The following CCBE1 variants were observed in gnomAD, a reference collection of about 807,000 sequenced individuals.
CCBE1 encodes the protein collagen and calcium-binding EGF domain-containing protein 1.
A neutral mutation model predicts 50.0 loss-of-function variants in CCBE1; 37 were observed. The observed-to-expected ratio is 0.74, with a 90% confidence interval of 0.57 to 0.97. CCBE1 has a LOEUF of 0.97. Among genes scored for constraint, CCBE1 ranks in the 50% least tolerant of loss-of-function variants. The pLI, the probability that CCBE1 is intolerant of heterozygous loss-of-function variation, is 0.00. For missense variants in CCBE1, 538 were observed against 523.8 expected, an observed-to-expected ratio of 1.03 and a Z score of -0.26; for synonymous variants, 234 against 203.7, an observed-to-expected ratio of 1.15 and a Z score of -1.27.
intron 2 of CCBE1, among the ~76,000 whole-genome samples, chr18:59,590,232 T>C (rs1045887917): frequency 1.3e-5 from 2 of 152,144 alleles, no homozygotes; most frequent in Non-Finnish European, 2.9e-5. Context: ...AATGAGACAG[T>C]GTATCTAGAA....
At chr18:59,667,085 G>A (rs938057293) in intron 2 of CCBE1, among the ~76,000 whole-genome samples, 10 of 152,040 alleles carry the variant, frequency 6.6e-5, no homozygotes, top group African/African-American at 2.4e-4. Flanking sequence ...ACCAGCCTGG[G>A]CAACATAGTG....
chr18:59,469,565 G>T lies in CCBE1; in HGVS notation c.308C>A (p.Thr103Lys). Residue 103 changes from threonine (T) to lysine (K), a missense_variant, in exon 4 of 11, where the codon ACG becomes AAG. Physicochemically the swap from Thr to Lys is moderately conservative, Grantham distance 78. Transcript: ENST00000439986. ...ACACAGCACTCGGCCAAAGTTGTCCGTGCACTGCTGTTCACAGGGAGCCTC... is the reference window on the plus strand; with the variant it reads ...ACACAGCACTCGGCCAAAGTTGTCCTTGCACTGCTGTTCACAGGGAGCCTC... ...CAEAPCEQQC[T>K]DNFGRVLCTC... The T allele has an allele frequency of 6.2e-7, 1 of 1,614,150 alleles. No homozygotes were observed. The highest frequency in any genetic ancestry group is 1.1e-5 in the South Asian group (1 of 91,082).
At chr18:59,452,605 A>C (rs1910992885) in intron 6 of CCBE1, among the ~76,000 whole-genome samples, 1 of 152,088 alleles carries the variant, frequency 6.6e-6, no homozygotes, top group South Asian at 2.1e-4. Flanking sequence ...AACAAAACAA[A>C]AACAACAAAA....
Position 59,481,523 on chromosome 18 carries a change from A to G in CCBE1, c.213-1285T>C, listed in dbSNP as rs890420329. On this transcript the variant is annotated intron_variant, in intron 2 of 10. Transcript: ENST00000439986. Reference sequence around the variant, plus strand: ...ACACACATACACAAAATGCCTAGAGATGTCATGGTCACGCTGCTGAAACCT... The same window carrying G: ...ACACACATACACAAAATGCCTAGAGGTGTCATGGTCACGCTGCTGAAACCT... 3.9e-5 allele frequency among the ~76,000 whole-genome samples: 6 copies of G among 152,326 alleles called. No homozygotes were observed. The East Asian group carries it at 1.2e-3, about 29-fold the overall frequency.
At chr18:59,445,425 A>G (rs941132770) in intron 7 of CCBE1, among the ~76,000 whole-genome samples, 7 of 152,210 alleles carry the variant, frequency 4.6e-5, no homozygotes, top group Non-Finnish European at 8.8e-5. Flanking sequence ...TTGTTATACT[A>G]TACTTGTCTC....
rs78592210 is a variant in CCBE1 at position 59,541,600 on chromosome 18, C to T, written c.213-61362G>A. 9.9e-3 allele frequency among the ~76,000 whole-genome samples: 1,514 copies of T among 152,174 alleles called. 24 individuals are homozygous for T. The highest frequency in any genetic ancestry group is 0.013 in the Non-Finnish European group (866 of 68,010). ...GCTGTTATTCAGATCTTCCGAGAAACAGGAGTCAGTCCTAGGTGTCCATAT... is the reference window on the plus strand; with the variant it reads ...GCTGTTATTCAGATCTTCCGAGAAATAGGAGTCAGTCCTAGGTGTCCATAT... On this transcript the variant is annotated intron_variant, in intron 2 of 10. Coordinates refer to ENST00000439986, the MANE Select transcript of CCBE1 (RefSeq NM_133459.4).
chr18:59,557,005 C>A (rs1247455788), intron 2 of CCBE1, among the ~76,000 whole-genome samples: 3 of 152,148 alleles, frequency 2.0e-5, no homozygotes, highest in Non-Finnish European at 4.4e-5. Context: ...AGATGATATA[C>A]AGCAGCAACC....
intron 2 of CCBE1, among the ~76,000 whole-genome samples, chr18:59,692,955 AGCAC>A (rs1239847001): frequency 0.034 from 4,891 of 143,096 alleles, 129 homozygotes; most frequent in Admixed American, 0.06. Flanking sequence ...GTCAAGCCAA[AGCAC>A]ACACACACAC....
intron 2 of CCBE1, among the ~76,000 whole-genome samples, chr18:59,680,896 C>T (rs1282099454): frequency 2.6e-5 from 4 of 151,974 alleles, no homozygotes; most frequent in Admixed American, 2.0e-4. Flanking sequence ...TTCAAACCAG[C>T]GGCCTGTTGA....
Position 59,498,786 on chromosome 18 carries a change from G to C in CCBE1, c.213-18548C>G, listed in dbSNP as rs566850785. Among the ~76,000 whole-genome samples the C allele has an allele frequency of 8.4e-4, 128 of 152,306 alleles. 1 individual carries two copies. The highest frequency in any genetic ancestry group is 2.7e-3 in the African/African-American group (113 of 41,564). ...AGAAATCCATTTGTGGGTTCCATGA[G>C]AGAGAAGTGATAAGATTGATAAACA... On this transcript the variant is annotated intron_variant, in intron 2 of 10. Transcript: ENST00000439986.
At chr18:59,502,860 C>A (rs1289667232) in intron 2 of CCBE1, among the ~76,000 whole-genome samples, 1 of 152,190 alleles carries the variant, frequency 6.6e-6, no homozygotes, top group African/African-American at 2.4e-5. Context: ...GGGAGGCCTG[C>A]TGCAACCCTT....
At chr18:59,549,726 T>C (rs1915844722) in intron 2 of CCBE1, among the ~76,000 whole-genome samples, 1 of 152,184 alleles carries the variant, frequency 6.6e-6, no homozygotes, top group African/African-American at 2.4e-5. Context: ...AATTAACTTG[T>C]CCCTAGCAAA....
At position 59,577,181 on chromosome 18, in the gene CCBE1, G is replaced by T. The variant is rs12604362; in HGVS notation, c.213-96943C>A. On this transcript the variant is annotated intron_variant, in intron 2 of 10. Transcript: ENST00000439986. ...AGAAAATAGGAAAGGGATGGCGAAG[G>T]TTGAGAGAGAAAAGGCTGAGCATTG... Among the ~76,000 whole-genome samples, 299 of 152,306 alleles carry T rather than the reference G, an allele frequency of 2.0e-3. 4 individuals are homozygous for T. The East Asian group carries it at 0.03, about 15-fold the overall frequency.
At chr18:59,468,841 T>G (rs1310072158) in intron 4 of CCBE1, among the ~76,000 whole-genome samples, 1 of 120,760 alleles carries the variant, frequency 8.3e-6, no homozygotes, top group Non-Finnish European at 1.9e-5. Flanking sequence ...GGCCAGGTTT[T>G]TTTTTTTTTT....
Position 59,435,475 on chromosome 18 carries a change from T to G in CCBE1, c.*433A>C. 1 of 202,202 alleles carries G rather than the reference T, an allele frequency of 4.9e-6. No homozygotes were observed. Among genetic ancestry groups the G allele is most frequent in the Non-Finnish European group, 1.0e-5 (1 of 98,020 alleles). The allele number at this position is 202,202 out of a possible 1,614,324, so 12.5% of individuals were successfully genotyped here. A position where few individuals can be genotyped will look rare whatever the true frequency, so the allele number is the denominator to read the frequency against. ...AGCCCCAATTTTGATACTAGAGGAG[T>G]TATGGTCTATTGTGAACACACATCT... On this transcript the variant is annotated 3_prime_UTR_variant, in exon 11 of 11. Coordinates refer to ENST00000439986, the MANE Select transcript of CCBE1 (RefSeq NM_133459.4).
At chr18:59,436,264 C>A in intron 10 of CCBE1, 123 bp from the exon 11 acceptor site, 1 of 836,852 alleles carries the variant, frequency 1.2e-6, no homozygotes, top group Non-Finnish European at 2.0e-6. Flanking sequence ...CCAAATGGAG[C>A]CAATGTGAGG....
intron 2 of CCBE1, among the ~76,000 whole-genome samples, chr18:59,675,495 G>A (rs1366173044): frequency 6.6e-6 from 1 of 152,198 alleles, no homozygotes; most frequent in Non-Finnish European, 1.5e-5. Flanking sequence ...CCTCTGAGCA[G>A]CTTCCCTCTA....
intron 2 of CCBE1, among the ~76,000 whole-genome samples, chr18:59,555,674 A>G (rs1270842486): frequency 2.0e-5 from 3 of 152,242 alleles, no homozygotes; most frequent in Admixed American, 2.0e-4. Context: ...ACATTGCATA[A>G]AAGAGGGTCA....
intron 2 of CCBE1, among the ~76,000 whole-genome samples, chr18:59,645,208 A>G (rs935680461): frequency 2.7e-5 from 4 of 150,844 alleles, no homozygotes; most frequent in African/African-American, 9.7e-5. Context: ...CAGCCTGGAA[A>G]CAGAACGAGA....
Sources: gnomAD v4.1 joint callset for allele counts (sites outside exome capture counted in the v4.1 genomes callset) on GRCh38, gnomAD v4.1.1 for gene constraint, MANE v1.5 for transcripts, NCBI Gene and HGNC (gene_info 2026-07-23, HGNC 2026-07-21) for gene names.